SCGB3A1: variants seen among roughly 807,000 people sequenced by gnomAD.
SCGB3A1 encodes the protein cytokine HIN-1.
SCGB3A1 carries 7 observed loss-of-function variants against 7.6 expected under a neutral mutation model. That is an observed-to-expected ratio of 0.93 (90% CI 0.53 to 1.74). The LOEUF (loss-of-function observed/expected upper bound fraction) is 1.74. Among genes scored for constraint, SCGB3A1 ranks in the 40% most tolerant of loss-of-function variants. SCGB3A1 has a pLI of 0.00. For synonymous variants in SCGB3A1, 67 were observed against 66.6 expected (o/e 1.01, Z -0.03); for missense variants, 119 against 129.0 (o/e 0.92, Z 0.38).
At position 180,591,393 on chromosome 5, in the gene SCGB3A1, G is replaced by C; in HGVS notation, c.52+18C>G. ...GCCTCAGGCCCCACCGTGCGCGCCAGGAGCCCGGGGCGCTCACCGGAGCTG... is the reference window on the plus strand; with the variant it reads ...GCCTCAGGCCCCACCGTGCGCGCCACGAGCCCGGGGCGCTCACCGGAGCTG... On this transcript the variant is annotated intron_variant, in intron 1 of 2. Coordinates refer to ENST00000292641, the MANE Select transcript of SCGB3A1 (RefSeq NM_052863.3). The C allele has an allele frequency of 1.6e-6, 2 of 1,224,134 alleles. No individual in the cohort carries two copies. The highest frequency in any genetic ancestry group is 2.0e-6 in the Non-Finnish European group (2 of 983,010). The allele number at this position is 1,224,134 out of a possible 1,614,324, so 75.8% of individuals were successfully genotyped here.
intron 2 of SCGB3A1, 96 bp from the exon 3 acceptor site, chr5:180,590,350 G>A (rs1404455608): frequency 3.3e-6 from 5 of 1,494,456 alleles, no homozygotes; most frequent in East Asian, 2.5e-5. Flanking sequence ...GAGCGGGAGC[G>A]GGGCGGTTCC....
intron 2 of SCGB3A1, 99 bp from the exon 3 acceptor site, chr5:180,590,353 G>T (rs1399933114): frequency 6.7e-7 from 1 of 1,481,532 alleles, no homozygotes; most frequent in Non-Finnish European, 9.2e-7. Context: ...CGGGAGCGGG[G>T]CGGTTCCGCT....
rs769009662 is a variant in SCGB3A1 at position 180,590,602 on chromosome 5, GCAGGGCCTT to G, written c.280_288del (p.Lys94_Leu96del). ...GGCACCCGGGGTGCCCACTTTACCA[GCAGGGCCTT>G]CAGGGCCTTCACGGCCCCCACGGCC... On this transcript the variant is annotated inframe_deletion, in exon 2 of 3. Transcript: ENST00000292641. 61 of 1,603,304 alleles carry G rather than the reference GCAGGGCCTT, an allele frequency of 3.8e-5. No homozygotes were observed. Among genetic ancestry groups the G allele is most frequent in the Admixed American group, 2.6e-4 (15 of 58,796 alleles).
chr5:180,590,847 G>A lies in SCGB3A1; in HGVS notation c.53-9C>T. The A allele has an allele frequency of 6.3e-7, 1 of 1,595,378 alleles. No homozygotes were observed. Among genetic ancestry groups the A allele is most frequent in the Non-Finnish European group, 8.6e-7 (1 of 1,168,528 alleles). On this transcript the variant is annotated splice_polypyrimidine_tract_variant and intron_variant, in intron 1 of 2. Transcript: ENST00000292641. ...CACTAAGAAAGCAGCAGCTGCAAGC[G>A]AACAGGGAGGGGTCACCGCCTGCGC...
intron 1 of SCGB3A1, 59 bp downstream of exon 1, chr5:180,591,352 C>A (rs1052118857): frequency 6.0e-5 from 70 of 1,166,760 alleles, no homozygotes; most frequent in Non-Finnish European, 7.2e-5. Context: ...GCGGCGGGGG[C>A]GCAGCGGGCG....
In SCGB3A1 at chr5:180,590,762, C is replaced by T. The variant is rs769772742; in HGVS notation, c.129G>A (p.Gly43=). 1.3e-6 allele frequency: 2 copies of T among 1,586,172 alleles called. No homozygotes were observed. Among genetic ancestry groups the T allele is most frequent in the African/African-American group, 2.7e-5 (2 of 74,170 alleles). The change falls in exon 2 of 3, where the codon GGG becomes GGA. Residue 43 remains glycine (G), a synonymous_variant. Transcript: ENST00000292641. ...CGAGGGGGTTGGCCAGGGTCCCGGC[C>T]CCGGCCTCCGCCGCCGACTCCAGCG... The part of the protein sequence containing the change: ...VAALESAAEA[G]AGTLANPLGT...
intron 1 of SCGB3A1, 47 bp downstream of exon 1, chr5:180,591,364 C>G (rs1023518136): frequency 4.2e-6 from 5 of 1,201,464 alleles, no homozygotes; most frequent in Non-Finnish European, 5.2e-6. Context: ...CAGCGGGCGC[C>G]GAGGCCTCAG....
At position 180,590,174 on chromosome 5, in the gene SCGB3A1, T is replaced by A. The variant is rs1025238016; in HGVS notation, c.*57A>T. On this transcript the variant is annotated 3_prime_UTR_variant, in exon 3 of 3. Transcript: ENST00000292641. ...GACGGTCCTCCCCGCGGCGGGGTTT[T>A]CAGCCCTCGCGGGTGGGCAGCGTCT... 5.1e-5 allele frequency: 79 copies of A among 1,559,106 alleles called. No homozygotes were observed. Among genetic ancestry groups the A allele is most frequent in the Non-Finnish European group, 6.3e-5 (72 of 1,149,000 alleles).
chr5:180,590,560 G>T, intron 2 of SCGB3A1, 40 bp downstream of exon 2: 2 of 1,514,832 alleles, frequency 1.3e-6, no homozygotes, highest in Non-Finnish European at 1.8e-6. Context: ...GCCGGGAAGG[G>T]ATGCCCGCGC....
chr5:180,590,311 G>C (rs534857689), intron 2 of SCGB3A1, 57 bp from the exon 3 acceptor site: 9 of 1,554,486 alleles, frequency 5.8e-6, no homozygotes, highest in Non-Finnish European at 7.8e-6. Context: ...GAACTCAGGC[G>C]GGGGCGCGGC....
chr5:180,590,703 C>A lies in SCGB3A1; in HGVS notation c.188G>T (p.Ser63Ile), dbSNP rs1278858348. The A allele has an allele frequency of 4.4e-6, 7 of 1,584,720 alleles. No individual in the cohort carries two copies. Among genetic ancestry groups the A allele is most frequent in the African/African-American group, 1.3e-5 (1 of 74,196 alleles). ...TLNPLKLLLS[S>I]LGIPVNHLIE... ...GAGGTGGTTCACGGGGATGCCCAGGCTGCTCAGCAGGAGCTTCAGCGGGTT... is the reference window on the plus strand; with the variant it reads ...GAGGTGGTTCACGGGGATGCCCAGGATGCTCAGCAGGAGCTTCAGCGGGTT... The change falls in exon 2 of 3, where the codon AGC (serine) becomes ATC (isoleucine). Residue 63 changes from serine (S) to isoleucine (I), a missense_variant. Physicochemically the swap from Ser to Ile is moderately radical, Grantham distance 142. Transcript: ENST00000292641.
chr5:180,590,960 C>G, intron 1 of SCGB3A1, 122 bp from the exon 2 acceptor site: 4 of 707,394 alleles, frequency 5.7e-6, no homozygotes, highest in Non-Finnish European at 6.7e-6. Context: ...CCCGACCGCC[C>G]CTCCCTCCTG....
At chr5:180,591,354 C>A in intron 1 of SCGB3A1, 57 bp downstream of exon 1, 2 of 1,177,158 alleles carry the variant, frequency 1.7e-6, no homozygotes, top group East Asian at 3.3e-5. Context: ...GGCGGGGGCG[C>A]AGCGGGCGCC....
Position 180,590,654 on chromosome 5 carries a change from C to T in SCGB3A1, c.237G>A (p.Val79=), listed in dbSNP as rs776819766. The part of the protein sequence containing the change: ...NHLIEGSQKC[V]AELGPQAVGA... ...CCACGGCCTGGGGACCCAGCTCAGC[C>T]ACACACTTCTGGGAGCCCTCTATGA... The change falls in exon 2 of 3, where the codon GTG becomes GTA. Residue 79 remains valine (V), a synonymous_variant. Coordinates refer to ENST00000292641, the MANE Select transcript of SCGB3A1 (RefSeq NM_052863.3). 26 of 1,598,752 alleles carry T rather than the reference C, an allele frequency of 1.6e-5. No individual in the cohort carries two copies. The Admixed American group carries it at 4.5e-4, about 27-fold the overall frequency.
At chr5:180,590,872 C>G in intron 1 of SCGB3A1, 34 bp from the exon 2 acceptor site, 1 of 1,530,550 alleles carries the variant, frequency 6.5e-7, no homozygotes, top group Non-Finnish European at 8.9e-7. Context: ...ACCGCCTGCG[C>G]GCCGGGGTCC....
At chr5:180,591,086 A>T (rs927093393) in intron 1 of SCGB3A1, 1 of 501,736 alleles carries the variant, frequency 2.0e-6, no homozygotes, top group African/African-American at 2.1e-5. Flanking sequence ...AGGACCGGTG[A>T]ACTCTGTGCA....
rs970645670 is a variant in SCGB3A1, at chr5:180,591,392, A to T, written c.52+19T>A. 5.0e-5 allele frequency: 61 copies of T among 1,223,530 alleles called. No homozygotes were observed. The highest frequency in any genetic ancestry group is 1.3e-4 in the Admixed American group (3 of 23,362). 75.8% of individuals were successfully genotyped at this position (1,223,530 alleles called of 1,614,324 possible). Reference sequence around the variant, plus strand: ...GGCCTCAGGCCCCACCGTGCGCGCCAGGAGCCCGGGGCGCTCACCGGAGCT... The same window carrying T: ...GGCCTCAGGCCCCACCGTGCGCGCCTGGAGCCCGGGGCGCTCACCGGAGCT... On this transcript the variant is annotated intron_variant, in intron 1 of 2. Transcript: ENST00000292641.
chr5:180,591,091 T>G (rs1761306929), intron 1 of SCGB3A1: 2 of 495,740 alleles, frequency 4.0e-6, no homozygotes. Context: ...CGGTGAACTC[T>G]GTGCAGGGTC....
intron 2 of SCGB3A1, 149 bp downstream of exon 2, chr5:180,590,451 C>T (rs1183237967): frequency 3.2e-6 from 3 of 935,024 alleles, no homozygotes; most frequent in Admixed American, 5.6e-5. Context: ...AGTTCCCACC[C>T]GGAGACCCGG....
Sources: gnomAD v4.1 joint callset for allele counts on GRCh38, gnomAD v4.1.1 for gene constraint, MANE v1.5 for transcripts, NCBI Gene and HGNC (gene_info 2026-07-23, HGNC 2026-07-21) for gene names.